Variants in KANSL1 observed in about 807,000 individuals in gnomAD.
KANSL1 encodes KAT8 regulatory NSL complex subunit 1.
KANSL1 carries 22 observed loss-of-function variants against 103.6 expected under a neutral mutation model. That is an observed-to-expected ratio of 0.21 (90% CI 0.15 to 0.30). The LOEUF (loss-of-function observed/expected upper bound fraction) is 0.30. Among genes scored for constraint, KANSL1 ranks in the 10% least tolerant of loss-of-function variants. KANSL1 has a pLI of 1.00. For missense variants in KANSL1, 1,337 were observed against 1,399.8 expected (o/e 0.96, Z 0.72); for synonymous variants, 600 against 527.6 (o/e 1.14, Z -1.88).
Position 46,134,855 on chromosome 17 carries a change from A to AT in KANSL1, c.1289+35999_1289+36000insA, listed in dbSNP as rs879612850. On this transcript the variant is annotated intron_variant, in intron 2 of 14. Transcript: ENST00000432791. Reference sequence around the variant, plus strand: ...GTGAGACTCGGTCTCCAAAAAAAAAAGGGCAGAAGATGGGGCGGAAGAATA... The same window carrying AT: ...GTGAGACTCGGTCTCCAAAAAAAAAATGGGCAGAAGATGGGGCGGAAGAATA... 3.1e-3 allele frequency among the ~76,000 whole-genome samples: 472 copies of AT among 152,198 alleles called. 2 individuals are homozygous for AT. The highest frequency in any genetic ancestry group is 5.2e-3 in the Non-Finnish European group (355 of 67,988).
chr17:46,128,537 G>C (rs1380133280), intron 2 of KANSL1, among the ~76,000 whole-genome samples: 1 of 152,240 alleles, frequency 6.6e-6, no homozygotes, highest in East Asian at 1.9e-4. Flanking sequence ...AGAGGACAGA[G>C]AGTGAAGTTG....
intron 3 of KANSL1, among the ~76,000 whole-genome samples, chr17:46,088,168 G>C (rs1274920555): frequency 6.6e-6 from 1 of 152,156 alleles, no homozygotes; most frequent in Non-Finnish European, 1.5e-5. Flanking sequence ...AACTGGAATG[G>C]GTCACAGTTA....
intron 7 of KANSL1, among the ~76,000 whole-genome samples, chr17:46,049,239 CCTT>C (rs1275829478): frequency 1.6e-5 from 2 of 123,824 alleles, no homozygotes; most frequent in Non-Finnish European, 3.5e-5. Flanking sequence ...CCATCCAAGA[CCTT>C]TTTTTTTTTT....
Position 46,053,305 on chromosome 17 carries a change from AAAAAT to A in KANSL1, c.1849-2606_1849-2602del, listed in dbSNP as rs147246744. On this transcript the variant is annotated intron_variant, in intron 6 of 14. Transcript: ENST00000432791. ...TCTCCAAAAAAATTTAAAAATTTAA[AAAAAT>A]AAAATAAAGGGTAGAAATTCTACTT... Among the ~76,000 whole-genome samples the A allele has an allele frequency of 7.2e-5, 11 of 152,244 alleles. No individual in the cohort carries two copies. In the East Asian group the frequency reaches 1.9e-3, roughly 27 times the overall value.
intron 11 of KANSL1, 45 bp downstream of exon 11, chr17:46,034,116 T>C (rs1196454697): frequency 6.8e-6 from 11 of 1,606,724 alleles, no homozygotes; most frequent in East Asian, 4.5e-5. Context: ...AAAAGGGCAA[T>C]AGCAGGAAGA....
chr17:46,134,994 T>G (rs1003178268), intron 2 of KANSL1, among the ~76,000 whole-genome samples: 3 of 152,184 alleles, frequency 2.0e-5, no homozygotes, highest in African/African-American at 7.2e-5. Flanking sequence ...GTATGACATC[T>G]TCCAATAATG....
chr17:46,216,981 C>T (rs944703921), intron 1 of KANSL1, among the ~76,000 whole-genome samples: 1 of 151,984 alleles, frequency 6.6e-6, no homozygotes, highest in Non-Finnish European at 1.5e-5. Context: ...GTAGTGTGCA[C>T]CTGTAGTCCC....
intron 7 of KANSL1, among the ~76,000 whole-genome samples, chr17:46,046,997 C>A (rs991810155): frequency 1.5e-4 from 23 of 152,098 alleles, no homozygotes; most frequent in Admixed American, 2.0e-4. Context: ...ACTCTGGAAT[C>A]TGAAGCACAG....
At chr17:46,193,661 C>T, upstream of KANSL1, 1 of 313,702 alleles carries the variant, frequency 3.2e-6, no homozygotes, top group Non-Finnish European at 6.6e-6. Flanking sequence ...CCGCGGCGCC[C>T]GGCCCCAGCT....
intron 6 of KANSL1, among the ~76,000 whole-genome samples, chr17:46,053,381 A>T (rs568955861): frequency 6.6e-6 from 1 of 152,210 alleles, no homozygotes; most frequent in Non-Finnish European, 1.5e-5. Context: ...CTTAAACAGT[A>T]ATCTCACTTT....
chr17:46,045,436 T>TAAAAAAAAAAAAAAAAA (rs1208609334), intron 7 of KANSL1: 1 of 151,466 alleles, frequency 6.6e-6, no homozygotes, highest in Admixed American at 6.6e-5. Flanking sequence ...AGCCTACATG[T>TAAAAAAAAAAAAAAAAA]AAAAATATAT....
intron 1 of KANSL1, among the ~76,000 whole-genome samples, chr17:46,186,278 G>GAGGCTGAGGCAGGAGAATGGC (rs971627566): frequency 3.3e-5 from 5 of 151,794 alleles, no homozygotes; most frequent in Non-Finnish European, 7.4e-5. Flanking sequence ...AGCTACTCGG[G>GAGGCTGAGGCAGGAGAATGGC]AGGCTGAGGC....
At chr17:46,057,991 C>T (rs769844545) in intron 6 of KANSL1, among the ~76,000 whole-genome samples, 2 of 152,132 alleles carry the variant, frequency 1.3e-5, no homozygotes, top group African/African-American at 2.4e-5. Flanking sequence ...CCTGGTTTTC[C>T]GTCTGGAAGT....
chr17:46,051,737 CA>C (rs2077717789), intron 6 of KANSL1, among the ~76,000 whole-genome samples: 1 of 152,190 alleles, frequency 6.6e-6, no homozygotes, highest in Non-Finnish European at 1.5e-5. Context: ...CAAAAAGCAT[CA>C]AAACTCTACT....
chr17:46,196,740 T>C (rs1334580222), upstream of KANSL1: 1 of 256,634 alleles, frequency 3.9e-6, no homozygotes, highest in African/African-American at 2.3e-5. Context: ...AGTTCTAATG[T>C]TTTTTAGTAT....
At chr17:46,065,653 C>G (rs1292067230) in intron 6 of KANSL1, among the ~76,000 whole-genome samples, 1 of 152,152 alleles carries the variant, frequency 6.6e-6, no homozygotes, top group Non-Finnish European at 1.5e-5. Context: ...TACCATGATT[C>G]AAACCCAAGG....
chr17:46,108,824 C>T (rs1330713451), intron 2 of KANSL1, among the ~76,000 whole-genome samples: 2 of 152,220 alleles, frequency 1.3e-5, no homozygotes, highest in Non-Finnish European at 2.9e-5. Flanking sequence ...CCTCATAAAA[C>T]TAACTCTGGC....
At chr17:46,107,873 A>AC (rs2042637212) in intron 2 of KANSL1, among the ~76,000 whole-genome samples, 1 of 151,812 alleles carries the variant, frequency 6.6e-6, no homozygotes, top group Admixed American at 6.6e-5. Context: ...CTTAATTTCA[A>AC]CCCCCCACCA....
chr17:46,054,396 CACCTCAACT>C (rs2077843602), intron 6 of KANSL1, among the ~76,000 whole-genome samples: 1 of 150,666 alleles, frequency 6.6e-6, no homozygotes, highest in Non-Finnish European at 1.5e-5. Context: ...CACTTCATAC[CACCTCAACT>C]ACACTCAATC....
Sources: allele counts gnomAD v4.1 joint callset (sites outside exome capture counted in the v4.1 genomes callset), GRCh38; gene constraint gnomAD v4.1.1; transcripts MANE v1.5; gene names NCBI Gene and HGNC (gene_info 2026-07-23, HGNC 2026-07-21).